PRKN: variants seen among roughly 807,000 people sequenced by gnomAD.
PRKN encodes the protein parkin RBR E3 ubiquitin protein ligase.
Under a neutral mutation model 59.5 loss-of-function variants are expected in PRKN, and 56 were observed. That is an observed-to-expected ratio of 0.94 (90% CI 0.76 to 1.18). The LOEUF (loss-of-function observed/expected upper bound fraction) is 1.18. Ranked by LOEUF, PRKN falls within the 50% of genes most tolerant of loss-of-function variation. PRKN has a pLI of 0.00. For synonymous variants in PRKN, 250 were observed against 222.1 expected (o/e 1.13, Z -1.12); for missense variants, 657 against 596.4 (o/e 1.10, Z -1.06).
chr6:162,554,322 C>T (rs529778021), intron 1 of PRKN, among the ~76,000 whole-genome samples: 2 of 151,826 alleles, frequency 1.3e-5, no homozygotes, highest in Non-Finnish European at 2.9e-5. Context: ...TGACCAACAT[C>T]GAGAAACCCC....
chr6:161,591,849 A>C (rs1001709059), intron 7 of PRKN, among the ~76,000 whole-genome samples: 2 of 152,214 alleles, frequency 1.3e-5, no homozygotes, highest in Non-Finnish European at 2.9e-5. Context: ...TTAGAAGACA[A>C]GGTAAACTCA....
intron 6 of PRKN, among the ~76,000 whole-genome samples, chr6:161,804,037 G>A (rs1451707132): frequency 1.3e-5 from 2 of 152,236 alleles, no homozygotes; most frequent in African/African-American, 4.8e-5. Flanking sequence ...GTGACCTGCA[G>A]CTGCCACAGC....
rs1194371893 is a variant in PRKN, at chr6:161,973,318, T to A, written c.718A>T (p.Thr240Ser). The A allele has an allele frequency of 5.6e-6, 9 of 1,611,270 alleles. No homozygotes were observed. In the Admixed American group the frequency reaches 1.2e-4, roughly 21 times the overall value. The change falls in exon 6 of 12, where the codon ACG (threonine) becomes TCG (serine). Residue 240 changes from threonine (T) to serine (S), a missense_variant. By Grantham distance (58) the Thr-to-Ser change is moderately conservative (BLOSUM62 1). Coordinates refer to ENST00000366898, the MANE Select transcript of PRKN (RefSeq NM_004562.3). ...GATCCTTACCTGACGTCTGTGCACG[T>A]AATGCAAGTGATGTTCCGACTATTT... ...ATNSRNITCI[T>S]CTDVRSPVLV...
At chr6:162,428,466 A>G (rs901887824) in intron 2 of PRKN, among the ~76,000 whole-genome samples, 11 of 152,126 alleles carry the variant, frequency 7.2e-5, no homozygotes, top group African/African-American at 2.7e-4. Context: ...GCCACCTAAA[A>G]TTTATTTGAA....
intron 4 of PRKN, among the ~76,000 whole-genome samples, chr6:162,067,561 CA>C (rs1452636700): frequency 3.3e-5 from 5 of 152,176 alleles, no homozygotes; most frequent in Admixed American, 3.3e-4. Flanking sequence ...TTTAAAAAAG[CA>C]TTGATCATTT....
chr6:162,121,714 C>A (rs1395858642), intron 4 of PRKN, among the ~76,000 whole-genome samples: 1 of 152,126 alleles, frequency 6.6e-6, no homozygotes, highest in Non-Finnish European at 1.5e-5. Flanking sequence ...CATAAAGAAA[C>A]CATGTGGGGT....
Position 162,561,019 on chromosome 6 carries a change from A to C in PRKN, c.8-117546T>G, listed in dbSNP as rs116285920. ...CCGTAACTGAGGAGTATTTGACCAG[A>C]TGGGACTGAGGAAGGAAAGACGATT... On this transcript the variant is annotated intron_variant, in intron 1 of 11. Transcript: ENST00000366898. 6.2e-3 allele frequency among the ~76,000 whole-genome samples: 950 copies of C among 152,194 alleles called. 15 individuals carry two copies. The highest frequency in any genetic ancestry group is 0.022 in the African/African-American group (926 of 41,524).
intron 10 of PRKN, among the ~76,000 whole-genome samples, chr6:161,381,246 G>A (rs566589015): frequency 3.9e-4 from 60 of 152,308 alleles, no homozygotes; most frequent in Admixed American, 1.2e-3. Context: ...AAAAGGCAGA[G>A]TGACCAGTAA....
intron 6 of PRKN, among the ~76,000 whole-genome samples, chr6:161,804,082 C>T (rs1385534667): frequency 1.3e-5 from 2 of 152,148 alleles, no homozygotes; most frequent in Admixed American, 6.5e-5. Context: ...AGCAAGTGCA[C>T]GGACGCCTCA....
chr6:161,355,270 C>T lies in PRKN; in HGVS notation c.1285+4818G>A, dbSNP rs1043921009. Among the ~76,000 whole-genome samples the T allele has an allele frequency of 6.6e-6, 1 of 152,248 alleles. No homozygotes were observed. Among genetic ancestry groups the T allele is most frequent in the African/African-American group, 2.4e-5 (1 of 41,470 alleles). On this transcript the variant is annotated intron_variant, in intron 11 of 11. Transcript: ENST00000366898. The surrounding 1 kb of genome is among the most constrained non-coding windows in gnomAD (Gnocchi z 6.8). The stretch of plus-strand genomic sequence containing the variant: ...TCATTCTTCAATTCTTGGCTGGTAT[C>T]ATCTCTTCCAGGAAGCCTCCTCCTC...
intron 1 of PRKN, among the ~76,000 whole-genome samples, chr6:162,470,535 G>T (rs1488032427): frequency 6.6e-6 from 1 of 152,002 alleles, no homozygotes; most frequent in Non-Finnish European, 1.5e-5. Flanking sequence ...AGGTTGCAGT[G>T]AGCCAAGATT....
intron 5 of PRKN, among the ~76,000 whole-genome samples, chr6:162,013,739 G>A (rs773078033): frequency 6.6e-6 from 1 of 151,972 alleles, no homozygotes; most frequent in Non-Finnish European, 1.5e-5. Flanking sequence ...AGAATACACA[G>A]GAGTTATAGA....
chr6:162,314,174 A>G (rs1304166323), intron 2 of PRKN, among the ~76,000 whole-genome samples: 1 of 152,108 alleles, frequency 6.6e-6, no homozygotes, highest in African/African-American at 2.4e-5. Flanking sequence ...ATGCTGCCAG[A>G]CAGAGATTAG....
chr6:162,593,838 C>G (rs1244880975), intron 1 of PRKN, among the ~76,000 whole-genome samples: 3 of 152,094 alleles, frequency 2.0e-5, no homozygotes, highest in African/African-American at 7.2e-5. Context: ...ATAATTTATT[C>G]TAGAATAATC....
intron 7 of PRKN, among the ~76,000 whole-genome samples, chr6:161,748,539 G>A (rs1355984105): frequency 2.0e-5 from 3 of 152,118 alleles, no homozygotes; most frequent in Non-Finnish European, 2.9e-5. Flanking sequence ...GTTCGCCTCC[G>A]ACAGCAGAAT....
intron 7 of PRKN, among the ~76,000 whole-genome samples, chr6:161,773,741 TTC>T (rs1353283725): frequency 6.6e-6 from 1 of 152,230 alleles, no homozygotes; most frequent in African/African-American, 2.4e-5. Flanking sequence ...ATTATTTTTA[TTC>T]TCTCTGCTAT....
At chr6:161,705,016 C>G (rs905173482) in intron 7 of PRKN, among the ~76,000 whole-genome samples, 3 of 152,152 alleles carry the variant, frequency 2.0e-5, no homozygotes, top group African/African-American at 7.2e-5. Flanking sequence ...CTTAAAGGTT[C>G]TCTGGGTGAT....
At chr6:161,823,523 G>A (rs1297956436) in intron 6 of PRKN, among the ~76,000 whole-genome samples, 1 of 152,100 alleles carries the variant, frequency 6.6e-6, no homozygotes, top group African/African-American at 2.4e-5. Context: ...CCTAGGAGAA[G>A]AAGATATTTT....
chr6:162,460,923 C>G (rs773029743), intron 1 of PRKN, among the ~76,000 whole-genome samples: 11 of 152,114 alleles, frequency 7.2e-5, no homozygotes, highest in Non-Finnish European at 1.5e-4. Flanking sequence ...ATAATTTGCT[C>G]AAATTACTCA....
Sources: allele counts gnomAD v4.1 joint callset (sites outside exome capture counted in the v4.1 genomes callset), GRCh38; gene constraint gnomAD v4.1.1; non-coding constraint Gnocchi (gnomAD v3.1); transcripts MANE v1.5; gene names NCBI Gene and HGNC (gene_info 2026-07-23, HGNC 2026-07-21).